ZNF251: variants seen among roughly 807,000 people sequenced by gnomAD.
ZNF251 encodes zinc finger protein 251.
Under a neutral mutation model 13.5 loss-of-function variants are expected in ZNF251, and 14 were observed. The ratio of observed to expected loss-of-function variants is 1.04; its 90% CI spans 0.69 to 1.63. ZNF251 has a LOEUF of 1.63. Among genes scored for constraint, ZNF251 ranks in the 40% most tolerant of loss-of-function variants. The pLI is 0.00. For synonymous variants in ZNF251, 287 were observed against 295.2 expected (o/e 0.97, Z 0.28); for missense variants, 764 against 834.9 (o/e 0.92, Z 1.05).
chr8:144,750,120 C>G (rs1395927127), intron 4 of ZNF251, among the ~76,000 whole-genome samples: 3 of 152,022 alleles, frequency 2.0e-5, no homozygotes, highest in East Asian at 1.9e-4. Flanking sequence ...AAAAAAATAC[C>G]TGGTCTGATT....
intron 4 of ZNF251, among the ~76,000 whole-genome samples, chr8:144,747,327 T>C (rs1824475383): frequency 6.6e-6 from 1 of 152,152 alleles, no homozygotes; most frequent in Admixed American, 6.5e-5. Flanking sequence ...AGACATTCTA[T>C]GTTTTCTATT....
At chr8:144,727,629 G>T (rs1265210135) in intron 4 of ZNF251, among the ~76,000 whole-genome samples, 1 of 152,202 alleles carries the variant, frequency 6.6e-6, no homozygotes, top group African/African-American at 2.4e-5. Context: ...ATTGAAGAGA[G>T]TTGGGGCCTT....
intron 4 of ZNF251, chr8:144,730,173 A>C (rs1419285797): frequency 1.2e-5 from 11 of 956,142 alleles, no homozygotes; most frequent in Non-Finnish European, 1.2e-5. Flanking sequence ...TGTTTTATCC[A>C]CCGGGCCTAA....
Position 144,749,885 on chromosome 8 carries a change from T to C in ZNF251, c.277+3798A>G, listed in dbSNP as rs1419155445. Among the ~76,000 whole-genome samples the C allele has an allele frequency of 1.9e-4, 8 of 42,694 alleles. 1 individual carries two copies. In the South Asian group the frequency reaches 4.0e-3, roughly 21 times the overall value. 28.0% of individuals were successfully genotyped at this position (42,694 alleles called of 152,430 possible). On this transcript the variant is annotated intron_variant, in intron 4 of 4. Coordinates refer to ENST00000292562, the MANE Select transcript of ZNF251 (RefSeq NM_138367.2). ...ATTTCTTTTTCTTTTCTTTTTTTTC[T>C]TTTTTTTTTTTTTTTAAGAAAGATG...
At position 144,721,286 on chromosome 8, in the gene ZNF251, C is replaced by G. The variant is rs1158603645; in HGVS notation, c.*358G>C. 6.2e-6 allele frequency: 2 copies of G among 321,644 alleles called. No homozygotes were observed. The highest frequency in any genetic ancestry group is 9.4e-5 in the East Asian group (2 of 21,236). The allele number at this position is 321,644 out of a possible 1,614,324, so 19.9% of individuals were successfully genotyped here. ...GACTGAAAGTGGATGTTCTCAGCCA[C>G]AAGCCTGGGCCTGGATAGGAAACAA... On this transcript the variant is annotated 3_prime_UTR_variant, in exon 5 of 5. Transcript: ENST00000292562.
At chr8:144,743,602 C>T (rs1386004738) in intron 4 of ZNF251, among the ~76,000 whole-genome samples, 1 of 152,190 alleles carries the variant, frequency 6.6e-6, no homozygotes, top group Admixed American at 6.5e-5. Context: ...TGCTGGATCA[C>T]ATGGTAAAGG....
At chr8:144,730,715 G>C (rs1026082143) in intron 4 of ZNF251, among the ~76,000 whole-genome samples, 3 of 152,226 alleles carry the variant, frequency 2.0e-5, no homozygotes, top group African/African-American at 7.2e-5. Flanking sequence ...GTCAGACATG[G>C]CGGTAGGGCA....
chr8:144,732,588 G>A (rs1208704277), intron 4 of ZNF251, among the ~76,000 whole-genome samples: 1 of 149,672 alleles, frequency 6.7e-6, no homozygotes, highest in Non-Finnish European at 1.5e-5. Context: ...CAAGGCGGGG[G>A]AATCACGAGG....
chr8:144,745,270 G>A (rs72697688), intron 4 of ZNF251, among the ~76,000 whole-genome samples: 9,061 of 149,324 alleles, frequency 0.061, 381 homozygotes, highest in Non-Finnish European at 0.085. Flanking sequence ...TCTACATTGA[G>A]GTGTGTTTGT....
intron 4 of ZNF251, among the ~76,000 whole-genome samples, chr8:144,744,429 T>C (rs929741779): frequency 4.6e-5 from 7 of 152,278 alleles, no homozygotes; most frequent in African/African-American, 1.7e-4. Context: ...CATCTAGAAG[T>C]TTCACAGTTT....
In ZNF251 at chr8:144,754,058, C is replaced by T. The variant is rs1824833209; in HGVS notation, c.163+134G>A. On this transcript the variant is annotated intron_variant, in intron 3 of 4. Transcript: ENST00000292562. ...CAGGCTTTTCCCATGGGAAATGTTCCTTCTGTAGAGATCAGACTGATACCC... is the reference window on the plus strand; with the variant it reads ...CAGGCTTTTCCCATGGGAAATGTTCTTTCTGTAGAGATCAGACTGATACCC... The T allele has an allele frequency of 3.8e-6, 5 of 1,317,346 alleles. No homozygotes were observed. In the East Asian group the frequency reaches 7.6e-5, roughly 20 times the overall value. 81.6% of individuals were successfully genotyped at this position (1,317,346 alleles called of 1,614,324 possible). A position where few individuals can be genotyped will look rare whatever the true frequency, so the allele number is the denominator to read the frequency against.
chr8:144,754,444 T>C (rs1824858101), intron 2 of ZNF251, 123 bp from the exon 3 acceptor site: 3 of 1,447,110 alleles, frequency 2.1e-6, no homozygotes, highest in South Asian at 3.0e-5. Context: ...GAACTGTGTA[T>C]CAGCAGGTCC....
Position 144,733,307 on chromosome 8 carries a change from G to C in ZNF251, c.278-9925C>G, listed in dbSNP as rs141368062. ...TGTAATCCTAGCACTTTGAGAGGCT[G>C]AGGTGGGAGGATCACTTGAGGCCAA... On this transcript the variant is annotated intron_variant, in intron 4 of 4. Coordinates refer to ENST00000292562, the MANE Select transcript of ZNF251 (RefSeq NM_138367.2). Among the ~76,000 whole-genome samples, 254 of 152,370 alleles carry C rather than the reference G, an allele frequency of 1.7e-3. 2 individuals carry two copies. The highest frequency in any genetic ancestry group is 5.9e-3 in the African/African-American group (245 of 41,588).
chr8:144,754,958 T>A, intron 1 of ZNF251, 155 bp from the exon 2 acceptor site: 1 of 1,403,818 alleles, frequency 7.1e-7, no homozygotes, highest in Non-Finnish European at 9.2e-7. Context: ...CAGTGACTCC[T>A]GAAATCCCAG....
chr8:144,729,498 G>C (rs1488620547), intron 4 of ZNF251, among the ~76,000 whole-genome samples: 1 of 151,590 alleles, frequency 6.6e-6, no homozygotes, highest in South Asian at 2.1e-4. Flanking sequence ...CACCACGCCC[G>C]GCTAATTTTT....
intron 4 of ZNF251, among the ~76,000 whole-genome samples, chr8:144,740,295 A>G (rs888209627): frequency 1.3e-4 from 19 of 151,846 alleles, no homozygotes; most frequent in Non-Finnish European, 2.6e-4. Context: ...CAAAAATAAT[A>G]ACAACAGAAA....
intron 4 of ZNF251, among the ~76,000 whole-genome samples, chr8:144,749,875 CTTTTT>C (rs796849869): frequency 2.3e-5 from 3 of 129,176 alleles, no homozygotes; most frequent in Admixed American, 1.6e-4. Flanking sequence ...TTTTTCTTTT[CTTTTT>C]TTTCTTTTTT....
At chr8:144,731,155 A>C (rs1401002886) in intron 4 of ZNF251, among the ~76,000 whole-genome samples, 1 of 152,226 alleles carries the variant, frequency 6.6e-6, no homozygotes, top group African/African-American at 2.4e-5. Context: ...AGCTAAGGCC[A>C]CCTTGCTTCC....
At chr8:144,736,564 TCA>T (rs1823904535) in intron 4 of ZNF251, among the ~76,000 whole-genome samples, 1 of 152,124 alleles carries the variant, frequency 6.6e-6, no homozygotes, top group Admixed American at 6.6e-5. Flanking sequence ...TGATCTTGGC[TCA>T]CCGCAACTTC....
Sources: gnomAD v4.1 joint callset for allele counts (sites outside exome capture counted in the v4.1 genomes callset) on GRCh38, gnomAD v4.1.1 for gene constraint, MANE v1.5 for transcripts, NCBI Gene and HGNC (gene_info 2026-07-23, HGNC 2026-07-21) for gene names.